VGLL4: variants seen among roughly 807,000 people sequenced by gnomAD.
VGLL4 encodes vestigial like family member 4, also known as transcription cofactor vestigial-like protein 4.
Under a neutral mutation model 21.0 loss-of-function variants are expected in VGLL4, and 7 were observed. That is an observed-to-expected ratio of 0.33 (90% CI 0.19 to 0.63). The LOEUF (loss-of-function observed/expected upper bound fraction) is 0.63. VGLL4 is among the 20% of genes least tolerant of loss of function. The probability of loss-of-function intolerance (pLI) is 0.78; values close to 1 mark genes in which losing one functional copy is unlikely to be tolerated. For synonymous variants in VGLL4, 222 were observed against 173.2 expected, an observed-to-expected ratio of 1.28 and a Z score of -2.21; for missense variants, 394 against 425.7, an observed-to-expected ratio of 0.93 and a Z score of 0.66.
At chr3:11,679,455 C>T (rs1043527462) in intron 2 of VGLL4, among the ~76,000 whole-genome samples, 7 of 152,046 alleles carry the variant, frequency 4.6e-5, no homozygotes, top group African/African-American at 7.3e-5. Flanking sequence ...GAGGCCGAGG[C>T]GGGCGGATCA....
At chr3:11,655,854 C>A (rs1413609010) in intron 2 of VGLL4, among the ~76,000 whole-genome samples, 1 of 152,182 alleles carries the variant, frequency 6.6e-6, no homozygotes, top group Non-Finnish European at 1.5e-5. Flanking sequence ...CGGCCATCTC[C>A]CTCCCATTCA....
At chr3:11,569,863 A>G (rs774230734) in intron 2 of VGLL4, among the ~76,000 whole-genome samples, 1 of 152,198 alleles carries the variant, frequency 6.6e-6, no homozygotes, top group Non-Finnish European at 1.5e-5. Flanking sequence ...CCTGGGTGAC[A>G]GAGCAAGACC....
At chr3:11,578,419 G>A (rs755544743) in intron 2 of VGLL4, among the ~76,000 whole-genome samples, 2 of 152,044 alleles carry the variant, frequency 1.3e-5, no homozygotes, top group Admixed American at 6.6e-5. Flanking sequence ...AATGCCAGCC[G>A]CCTTCCCATG....
Position 11,568,771 on chromosome 3 carries a change from C to A in VGLL4, c.273-3752G>T. 2.0e-6 allele frequency: 3 copies of A among 1,493,258 alleles called. No homozygotes were observed. The highest frequency in any genetic ancestry group is 2.7e-6 in the Non-Finnish European group (3 of 1,122,384). 92.5% of individuals were successfully genotyped at this position (1,493,258 alleles called of 1,614,324 possible). On this transcript the variant is annotated intron_variant, in intron 2 of 4. Transcript: ENST00000430365. This position sits in a 1 kb window ranked among gnomAD's most constrained non-coding sequence, Gnocchi z 5.9. ...CTGCCCGGGAGATGGAAGTCGCCTC[C>A]GCTCCTGGTCAGGACTGTGCCCGAG...
intron 1 of VGLL4, among the ~76,000 whole-genome samples, chr3:11,622,633 A>G (rs1363347604): frequency 6.6e-6 from 1 of 152,262 alleles, no homozygotes; most frequent in Non-Finnish European, 1.5e-5. Flanking sequence ...CTACAAGACT[A>G]TATTAACTTC....
chr3:11,576,861 C>G (rs551564984), intron 2 of VGLL4, among the ~76,000 whole-genome samples: 1 of 152,342 alleles, frequency 6.6e-6, no homozygotes, highest in African/African-American at 2.4e-5. Context: ...CAACTCAAGA[C>G]TAGGAGAGAA....
intron 2 of VGLL4, among the ~76,000 whole-genome samples, chr3:11,686,911 A>T (rs989013288): frequency 6.6e-6 from 1 of 152,210 alleles, no homozygotes; most frequent in Non-Finnish European, 1.5e-5. Context: ...GTAGAATAGG[A>T]TAGAAAACAG....
At chr3:11,617,686 A>G (rs2075188201) in intron 1 of VGLL4, among the ~76,000 whole-genome samples, 1 of 152,202 alleles carries the variant, frequency 6.6e-6, no homozygotes, top group South Asian at 2.1e-4. Flanking sequence ...TAACTCTCTC[A>G]ATGTTGACCC....
intron 2 of VGLL4, among the ~76,000 whole-genome samples, chr3:11,700,145 C>A (rs1486395718): frequency 6.6e-6 from 1 of 151,996 alleles, no homozygotes; most frequent in Non-Finnish European, 1.5e-5. Flanking sequence ...TCTTTATATG[C>A]CCCTTATATA....
chr3:11,715,765 C>T (rs1374547909), intron 1 of VGLL4, among the ~76,000 whole-genome samples: 1 of 152,300 alleles, frequency 6.6e-6, no homozygotes, highest in South Asian at 2.1e-4. Flanking sequence ...TTTTTGCAAA[C>T]TGATCAATAC....
At chr3:11,665,100 T>G (rs2076097261) in intron 2 of VGLL4, among the ~76,000 whole-genome samples, 1 of 91,262 alleles carries the variant, frequency 1.1e-5, no homozygotes. Flanking sequence ...TGAATATTTT[T>G]CTTTTTTTTT....
chr3:11,563,853 C>T (rs2073266666), intron 3 of VGLL4, among the ~76,000 whole-genome samples: 1 of 152,156 alleles, frequency 6.6e-6, no homozygotes, highest in African/African-American at 2.4e-5. Context: ...CCAGGATTCC[C>T]AAGCACCAGA....
chr3:11,559,304 G>A (rs1055654965), intron 4 of VGLL4, 28 bp downstream of exon 4: 5 of 1,514,052 alleles, frequency 3.3e-6, no homozygotes, highest in African/African-American at 2.8e-5. Flanking sequence ...GCACAGCTGT[G>A]ACAGGTGAGG....
chr3:11,700,840 T>C (rs2076671597), intron 2 of VGLL4, among the ~76,000 whole-genome samples: 1 of 152,216 alleles, frequency 6.6e-6, no homozygotes, highest in Admixed American at 6.6e-5. Context: ...GAGCTGCCTC[T>C]CCCGAGCTCC....
chr3:11,643,071 C>T (rs1420305911), intron 1 of VGLL4, among the ~76,000 whole-genome samples: 1 of 152,198 alleles, frequency 6.6e-6, no homozygotes, highest in Non-Finnish European at 1.5e-5. Context: ...TTACCAGCCC[C>T]TCCCCCAAAG....
At chr3:11,622,895 A>T (rs1015311440) in intron 1 of VGLL4, among the ~76,000 whole-genome samples, 2 of 152,208 alleles carry the variant, frequency 1.3e-5, no homozygotes, top group Non-Finnish European at 2.9e-5. Context: ...TGAGAACTGA[A>T]ACCTGGAAAG....
At chr3:11,717,434 A>C (rs2076934222) in intron 1 of VGLL4, among the ~76,000 whole-genome samples, 1 of 150,390 alleles carries the variant, frequency 6.6e-6, no homozygotes, top group African/African-American at 2.5e-5. Flanking sequence ...GGCAACCACC[A>C]GAGACTGGTA....
chr3:11,588,215 G>A (rs2074404139), intron 2 of VGLL4, among the ~76,000 whole-genome samples: 1 of 152,208 alleles, frequency 6.6e-6, no homozygotes, highest in South Asian at 2.1e-4. Context: ...CACTGGGAGG[G>A]TATAGTGCTA....
chr3:11,601,426 A>G (rs898711776), intron 2 of VGLL4, among the ~76,000 whole-genome samples: 1 of 152,166 alleles, frequency 6.6e-6, no homozygotes. Flanking sequence ...TGCTTGGTCA[A>G]AAAGGTGCTG....
Sources: allele counts gnomAD v4.1 joint callset (sites outside exome capture counted in the v4.1 genomes callset), GRCh38; gene constraint gnomAD v4.1.1; non-coding constraint Gnocchi (gnomAD v3.1); transcripts MANE v1.5; gene names NCBI Gene and HGNC (gene_info 2026-07-23, HGNC 2026-07-21).